The following VCAN variants were observed in gnomAD, a reference collection of about 807,000 sequenced individuals.
The protein encoded by VCAN is versican.
In VCAN, 44 loss-of-function variants were observed where a neutral mutation model predicts 245.5. The ratio of observed to expected loss-of-function variants is 0.18; its 90% CI spans 0.14 to 0.23. The LOEUF is 0.23. Ranked by LOEUF, VCAN falls within the 10% of genes least tolerant of loss-of-function variation. The pLI is 1.00. For synonymous variants in VCAN, 1,413 were observed against 1,437.0 expected (o/e 0.98, Z 0.38); for missense variants, 3,793 against 4,057.9 (o/e 0.93, Z 1.77).
chr5:83,548,044 C>T lies in VCAN; in HGVS notation c.9453C>T (p.Cys3151=). 1 of 1,614,042 alleles carries T rather than the reference C, an allele frequency of 6.2e-7. No homozygotes were observed. The highest frequency in any genetic ancestry group is 8.5e-7 in the Non-Finnish European group (1 of 1,179,936). The part of the protein sequence containing the change: ...TCVDGFNTFR[C]LCLPSYVGAL... The stretch of plus-strand genomic sequence containing the variant: ...TTGATGGTTTTAACACATTCAGGTG[C>T]CTCTGCCTTCCAAGTTATGTTGGTG... Residue 3151 remains cysteine, a synonymous_variant, in exon 10 of 15, where the codon TGC becomes TGT. Coordinates refer to ENST00000265077, the MANE Select transcript of VCAN (RefSeq NM_004385.5).
At chr5:83,476,480 G>T (rs1580590601) in intron 1 of VCAN, among the ~76,000 whole-genome samples, 1 of 152,148 alleles carries the variant, frequency 6.6e-6, no homozygotes, top group African/African-American at 2.4e-5. Context: ...ACTTGCTCTG[G>T]TCTGAGAAAA....
At chr5:83,487,223 C>G (rs945636477) in intron 2 of VCAN, among the ~76,000 whole-genome samples, 1 of 152,110 alleles carries the variant, frequency 6.6e-6, no homozygotes, top group Non-Finnish European at 1.5e-5. Flanking sequence ...TTCCCATATT[C>G]TCAATTTGAC....
At chr5:83,570,048 G>A (rs1748232056) in intron 12 of VCAN, among the ~76,000 whole-genome samples, 3 of 151,948 alleles carry the variant, frequency 2.0e-5, no homozygotes, top group African/African-American at 7.3e-5. Context: ...AAAAAAAAGG[G>A]AAATAATTAG....
intron 1 of VCAN, among the ~76,000 whole-genome samples, chr5:83,473,426 G>A (rs149494441): frequency 3.2e-4 from 49 of 152,244 alleles, no homozygotes; most frequent in African/African-American, 1.1e-3. Flanking sequence ...GCGCACACCC[G>A]CGGCAGAGTC....
At chr5:83,529,755 T>G (rs919818121) in intron 7 of VCAN, among the ~76,000 whole-genome samples, 1 of 152,166 alleles carries the variant, frequency 6.6e-6, no homozygotes, top group African/African-American at 2.4e-5. Flanking sequence ...GATTGCCACA[T>G]GCAAGTCACT....
rs774714776 is a variant in VCAN, at chr5:83,541,224, T to C, written c.8221T>C (p.Leu2741=). 7.4e-6 allele frequency: 12 copies of C among 1,613,902 alleles called. No individual in the cohort carries two copies. The South Asian group carries it at 1.3e-4, about 18-fold the overall frequency. ...IADQSEIIPT[L]GQFERTQEEY... is the part of the protein sequence containing the mutation. ...AGACCAAAGTGAAATAATACCAACATTGGGCCAATTTGAAAGGACTCAGGA... is the reference window on the plus strand; with the variant it reads ...AGACCAAAGTGAAATAATACCAACACTGGGCCAATTTGAAAGGACTCAGGA... The change falls in exon 8 of 15, where the codon TTG becomes CTG. Residue 2741 remains leucine (L), a synonymous_variant. Coordinates refer to ENST00000265077, the MANE Select transcript of VCAN (RefSeq NM_004385.5).
intron 6 of VCAN, among the ~76,000 whole-genome samples, chr5:83,518,068 A>G (rs3852185): frequency 0.023 from 3,461 of 152,280 alleles, 102 homozygotes; most frequent in East Asian, 0.096. Flanking sequence ...AGAAGATACT[A>G]TAGATACTAT....
chr5:83,483,620 T>C (rs190128548), intron 2 of VCAN, 32 bp downstream of exon 2: 307 of 1,596,108 alleles, frequency 1.9e-4, no homozygotes, highest in Non-Finnish European at 1.8e-4. Context: ...TTGGTGTTAA[T>C]TGAAATAAAA....
In VCAN at chr5:83,542,880, A is replaced by G. The variant is rs370693357; in HGVS notation, c.9265+612A>G. 6.6e-5 allele frequency among the ~76,000 whole-genome samples: 10 copies of G among 152,266 alleles called. No homozygotes were observed. The East Asian group carries it at 1.2e-3, about 18-fold the overall frequency. On this transcript the variant is annotated intron_variant, in intron 8 of 14. Coordinates refer to ENST00000265077, the MANE Select transcript of VCAN (RefSeq NM_004385.5). Reference sequence around the variant, plus strand: ...ATATAAACATACTGCCTGTTGAGAGAAGTTTTCTGTGTATTTACTGAATGT... The same window carrying G: ...ATATAAACATACTGCCTGTTGAGAGGAGTTTTCTGTGTATTTACTGAATGT...
Position 83,519,717 on chromosome 5 carries a change from A to T in VCAN, c.1411A>T (p.Thr471Ser), listed in dbSNP as rs1296222526. The T allele has an allele frequency of 6.2e-7, 1 of 1,614,062 alleles. No individual in the cohort carries two copies. Among genetic ancestry groups the T allele is most frequent in the Non-Finnish European group, 8.5e-7 (1 of 1,180,002 alleles). ...TACAACTGGCGTCTCTCATTATGCT[A>T]CGGATTCATGGGATGGTGTCGTGGA... ...QSTTGVSHYA[T>S]DSWDGVVEDK... Residue 471 changes from threonine to serine, a missense_variant, in exon 7 of 15, where the codon ACG (threonine) becomes TCG (serine). Around this residue, in one of 5 missense-constraint regions of VCAN, gnomAD observed 3,182 missense variants for 3,250.3 expected, o/e 0.98. Transcript: ENST00000265077.
Position 83,579,998 on chromosome 5 carries a change from C to T in VCAN, c.9899C>T (p.Pro3300Leu). Residue 3300 changes from proline (P) to leucine (L), a missense_variant, in exon 14 of 15, where the codon CCT (proline) becomes CTT (leucine). This residue lies in a region of VCAN where 205 missense variants were observed against 321.1 expected (regional missense o/e 0.64). Transcript: ENST00000265077. ...KKGTVACGQP[P>L]VVENAKTFGK... ...CCTTTAGTCGCTTGCGGCCAGCCCCCTGTTGTAGAAAATGCCAAGACCTTT... is the reference window on the plus strand; with the variant it reads ...CCTTTAGTCGCTTGCGGCCAGCCCCTTGTTGTAGAAAATGCCAAGACCTTT... 1 of 1,614,070 alleles carries T rather than the reference C, an allele frequency of 6.2e-7. No individual in the cohort carries two copies. Among genetic ancestry groups the T allele is most frequent in the South Asian group, 1.1e-5 (1 of 91,084 alleles).
chr5:83,543,733 GA>G (rs369601820), intron 8 of VCAN, among the ~76,000 whole-genome samples: 58 of 152,268 alleles, frequency 3.8e-4, no homozygotes, highest in African/African-American at 1.4e-3. Context: ...TAAGTTTGAT[GA>G]ATGAGAAATA....
chr5:83,487,792 C>A (rs1196753056), intron 2 of VCAN, among the ~76,000 whole-genome samples: 1 of 152,094 alleles, frequency 6.6e-6, no homozygotes, highest in African/African-American at 2.4e-5. Flanking sequence ...TACAGCACAG[C>A]TGTTTAGCAA....
At chr5:83,527,455 A>C (rs1373126793) in intron 7 of VCAN, among the ~76,000 whole-genome samples, 1 of 152,220 alleles carries the variant, frequency 6.6e-6, no homozygotes, top group Admixed American at 6.5e-5. Flanking sequence ...GGACTGTCCC[A>C]AGTCTAGAAA....
At chr5:83,532,230 T>C (rs1561251339) in intron 7 of VCAN, among the ~76,000 whole-genome samples, 1 of 152,018 alleles carries the variant, frequency 6.6e-6, no homozygotes. Flanking sequence ...GATTCTCTAA[T>C]AACGTGTGTG....
intron 1 of VCAN, among the ~76,000 whole-genome samples, chr5:83,478,876 T>C (rs1214981122): frequency 1.3e-5 from 2 of 152,158 alleles, no homozygotes; most frequent in African/African-American, 2.4e-5. Context: ...CAATCACATA[T>C]GCAAAATGGT....
intron 5 of VCAN, among the ~76,000 whole-genome samples, chr5:83,502,196 G>A (rs967043131): frequency 6.6e-6 from 1 of 152,028 alleles, no homozygotes; most frequent in Non-Finnish European, 1.5e-5. Flanking sequence ...GATTCCTTAG[G>A]ATTTTCTTTA....
At chr5:83,557,450 T>C (rs1352133108) in intron 12 of VCAN, among the ~76,000 whole-genome samples, 2 of 152,178 alleles carry the variant, frequency 1.3e-5, no homozygotes, top group African/African-American at 2.4e-5. Context: ...TTGGCCTATA[T>C]CTGGCAGCTA....
chr5:83,503,819 A>G (rs1440871837), intron 5 of VCAN, among the ~76,000 whole-genome samples: 3 of 152,204 alleles, frequency 2.0e-5, no homozygotes, highest in Admixed American at 6.5e-5. Flanking sequence ...AAGAATTGTC[A>G]GTGGGGGAGA....
Sources: gnomAD v4.1 joint callset for allele counts (sites outside exome capture counted in the v4.1 genomes callset) on GRCh38, gnomAD v4.1.1 for gene constraint, gnomAD v4.1.1 regional missense constraint, MANE v1.5 for transcripts, NCBI Gene and HGNC (gene_info 2026-07-23, HGNC 2026-07-21) for gene names.